SPTBN5: variants seen among roughly 807,000 people sequenced by gnomAD.
SPTBN5 encodes the protein spectrin beta chain, non-erythrocytic 5.
In SPTBN5, 513 loss-of-function variants were observed where a neutral mutation model predicts 477.6. That is an observed-to-expected ratio of 1.07 (90% CI 1.00 to 1.16). The LOEUF (loss-of-function observed/expected upper bound fraction) is 1.16. SPTBN5 is among the 50% of genes most tolerant of loss of function. SPTBN5 has a pLI of 0.00. For missense variants in SPTBN5, 5,062 were observed against 4,731.8 expected, an observed-to-expected ratio of 1.07 and a Z score of -2.05; for synonymous variants, 2,169 against 2,011.7, an observed-to-expected ratio of 1.08 and a Z score of -2.09.
At position 41,855,678 on chromosome 15, in the gene SPTBN5, C is replaced by A. The variant is rs1416676849; in HGVS notation, c.9089G>T (p.Ser3030Ile). Residue 3030 changes from serine (S) to isoleucine (I), a missense_variant, in exon 54 of 68, where the codon AGT (serine) becomes ATT (isoleucine). Physicochemically the swap from Ser to Ile is moderately radical, Grantham distance 142. Coordinates refer to ENST00000320955, the MANE Select transcript of SPTBN5 (RefSeq NM_016642.4). ...HVLDSEDMGH[S>I]AEATQALLRR... ...CAGAAGGGCCTGTGTGGCTTCAGCA[C>A]TGTGGCCCATGTCCTCGCTGTCCAG... 1.2e-6 allele frequency: 2 copies of A among 1,604,860 alleles called. No homozygotes were observed. The highest frequency in any genetic ancestry group is 2.7e-5 in the African/African-American group (2 of 74,966).
Position 41,886,088 on chromosome 15 carries a change from C to T in SPTBN5, c.1167G>A (p.Glu389=). 1 of 1,606,462 alleles carries T rather than the reference C, an allele frequency of 6.2e-7. No homozygotes were observed. The highest frequency in any genetic ancestry group is 8.5e-7 in the Non-Finnish European group (1 of 1,176,172). The change falls in exon 7 of 68, where the codon GAG becomes GAA. Residue 389 remains glutamate, a synonymous_variant. Coordinates refer to ENST00000320955, the MANE Select transcript of SPTBN5 (RefSeq NM_016642.4). ...GGGACAGCTCTGCAAGGCCCAGGCCCTCATGAGGCAGGAAGGGCCTGCGGT... is the reference window on the plus strand; with the variant it reads ...GGGACAGCTCTGCAAGGCCCAGGCCTTCATGAGGCAGGAAGGGCCTGCGGT... ...AQNRRPFLPH[E]GLGLAELSQC...
At chr15:41,876,679 T>C in intron 19 of SPTBN5, 32 bp from the exon 20 acceptor site, 1 of 1,546,624 alleles carries the variant, frequency 6.5e-7, no homozygotes, top group Non-Finnish European at 8.9e-7. Flanking sequence ...GAGGAGGGCA[T>C]GGGAGAGGAC....
intron 32 of SPTBN5, 87 bp downstream of exon 32, chr15:41,869,754 G>C: frequency 7.7e-7 from 1 of 1,293,552 alleles, no homozygotes; most frequent in Non-Finnish European, 1.0e-6. Flanking sequence ...TCCCTCCGGA[G>C]CTGGAGGGCC....
At chr15:41,889,197 C>G (rs1046583088) in intron 4 of SPTBN5, among the ~76,000 whole-genome samples, 1 of 152,172 alleles carries the variant, frequency 6.6e-6, no homozygotes, top group Non-Finnish European at 1.5e-5. Flanking sequence ...ATTCATCCGT[C>G]CCTTCAGCCT....
In SPTBN5 at chr15:41,866,432, AG is replaced by A. The variant is rs774203819; in HGVS notation, c.6541del (p.Leu2181Ter). ...QLKEPVPPGD[L>X]RDKLKPLLKH... Reference sequence around the variant, plus strand: ...CAGCAGGGGCTTCAGCTTATCTCTCAGGTCCCCAGGAGGGACCGGCTCCTTC... The same window carrying A: ...CAGCAGGGGCTTCAGCTTATCTCTCAGTCCCCAGGAGGGACCGGCTCCTTC... On this transcript the variant is annotated frameshift_variant, in exon 37 of 68. Transcript: ENST00000320955. LOFTEE classifies it high-confidence loss of function. 5.0e-6 allele frequency: 8 copies of A among 1,610,024 alleles called. No individual in the cohort carries two copies. Among genetic ancestry groups the A allele is most frequent in the Non-Finnish European group, 6.8e-6 (8 of 1,178,246 alleles).
rs758441050 is a variant in SPTBN5 at position 41,880,163 on chromosome 15, A to G, written c.2808T>C (p.Tyr936=). ...TGCCAAGCTCCCAGGGCTGTACCTCATATTTGAGCTGCATGACCTCCAGGG... is the reference window on the plus strand; with the variant it reads ...TGCCAAGCTCCCAGGGCTGTACCTCGTATTTGAGCTGCATGACCTCCAGGG... The part of the protein sequence containing the change: ...ADTLEVMQLK[Y]ENFLTALAVG... The change falls in exon 14 of 68, where the codon TAT becomes TAC. Residue 936 remains tyrosine (Y), a synonymous_variant. Transcript: ENST00000320955. 3 of 1,597,236 alleles carry G rather than the reference A, an allele frequency of 1.9e-6. No homozygotes were observed. The Admixed American group carries it at 5.3e-5, about 28-fold the overall frequency.
chr15:41,885,940 C>A lies in SPTBN5; in HGVS notation c.1315G>T (p.Glu439Ter). ...RRFQHKAALR[E>*]SFLKDAEQVL... Reference sequence around the variant, plus strand: ...TGCTCTGCATCCTTAAGGAAACTCTCCCGGAGGGCTGCCTTGTGCTGGAAG... The same window carrying A: ...TGCTCTGCATCCTTAAGGAAACTCTACCGGAGGGCTGCCTTGTGCTGGAAG... The change falls in exon 7 of 68, where the codon GAG becomes TAG. Residue 439 changes from glutamate to a stop codon, truncating the protein, a stop_gained. Transcript: ENST00000320955. LOFTEE classifies it high-confidence loss of function. 1 of 1,571,888 alleles carries A rather than the reference C, an allele frequency of 6.4e-7. No individual in the cohort carries two copies. The highest frequency in any genetic ancestry group is 8.6e-7 in the Non-Finnish European group (1 of 1,158,706).
At position 41,869,846 on chromosome 15, in the gene SPTBN5, T is replaced by G; in HGVS notation, c.5848A>C (p.Thr1950Pro). 1 of 1,558,236 alleles carries G rather than the reference T, an allele frequency of 6.4e-7. No individual in the cohort carries two copies. ...ERARLLARFR[T>P]AVRDYASWAA... ...CAAAGGGCAGGAGCCCTCACCGCCG[T>G]GCGGAAGCGGGCCAGGAGGCGTGCC... The change falls in exon 32 of 68, where the codon ACG becomes CCG. Residue 1950 changes from threonine to proline, a missense_variant. By Grantham distance (38) the Thr-to-Pro change is conservative (BLOSUM62 -1). Coordinates refer to ENST00000320955, the MANE Select transcript of SPTBN5 (RefSeq NM_016642.4).
At position 41,853,583 on chromosome 15, in the gene SPTBN5, G is replaced by A. The variant is rs2065843934; in HGVS notation, c.9979C>T (p.Leu3327=). The change falls in exon 58 of 68, where the codon CTA becomes TTA. Residue 3327 remains leucine (L), a splice_region_variant and synonymous_variant. Coordinates refer to ENST00000320955, the MANE Select transcript of SPTBN5 (RefSeq NM_016642.4). The stretch of plus-strand genomic sequence containing the variant: ...CGGCAGCTGAGGTAGGACACCTACA[G>A]CAGTTCCTGGCAGCGCCCGAGGAAG... The part of the protein sequence containing the change: ...HAFLGRCQEL[L]AWAQERQELA... 1.3e-6 allele frequency: 2 copies of A among 1,570,072 alleles called. No individual in the cohort carries two copies. Among genetic ancestry groups the A allele is most frequent in the Non-Finnish European group, 1.7e-6 (2 of 1,154,830 alleles).
chr15:41,857,650 C>T lies in SPTBN5; in HGVS notation c.8287G>A (p.Glu2763Lys). The change falls in exon 50 of 68, where the codon GAG (glutamate) becomes AAG (lysine). Residue 2763 changes from glutamate (E) to lysine (K), a missense_variant. Glu to Lys is a moderately conservative substitution (Grantham distance 56). Transcript: ENST00000320955. ...PASEAIQERL[E>K]ELGALWGELQ... Reference sequence around the variant, plus strand: ...TCACCCCAGAGTGCTCCCAGCTCCTCCAGTCGCTCCTGGATGGCCTCCGAG... The same window carrying T: ...TCACCCCAGAGTGCTCCCAGCTCCTTCAGTCGCTCCTGGATGGCCTCCGAG... 1 of 1,595,014 alleles carries T rather than the reference C, an allele frequency of 6.3e-7. No homozygotes were observed. Among genetic ancestry groups the T allele is most frequent in the South Asian group, 1.1e-5 (1 of 88,020 alleles).
chr15:41,871,617 G>T (rs1301758160), intron 28 of SPTBN5, 97 bp from the exon 29 acceptor site: 15 of 1,416,436 alleles, frequency 1.1e-5, no homozygotes, highest in Non-Finnish European at 1.4e-5. Flanking sequence ...TGGGTGATGT[G>T]GGCTTGGATA....
chr15:41,848,385 C>T lies in SPTBN5; in HGVS notation c.*231G>A, dbSNP rs529534042. The stretch of plus-strand genomic sequence containing the variant: ...CCACCTGCTCTGCCGTAACACGTCT[C>T]CTCTTCACCCAGACAGGAATGCAGG... On this transcript the variant is annotated 3_prime_UTR_variant, in exon 68 of 68. Transcript: ENST00000320955. The T allele has an allele frequency of 9.1e-5, 56 of 612,790 alleles. No homozygotes were observed. In the Admixed American group the frequency reaches 1.2e-3, roughly 13 times the overall value. The allele number at this position is 612,790 out of a possible 1,614,324, so 38.0% of individuals were successfully genotyped here.
chr15:41,874,384 G>A lies in SPTBN5; in HGVS notation c.4597C>T (p.Leu1533Phe). The A allele has an allele frequency of 6.2e-7, 1 of 1,613,810 alleles. No homozygotes were observed. The highest frequency in any genetic ancestry group is 8.5e-7 in the Non-Finnish European group (1 of 1,179,866). The change falls in exon 24 of 68, where the codon CTC (leucine) becomes TTC (phenylalanine). Residue 1533 changes from leucine (L) to phenylalanine (F), a missense_variant. Transcript: ENST00000320955. ...GGCATGTGCTCGGCTACCCAAGAGAGCTCCATGTTGCTCAGGTGGCAGAAC... is the reference window on the plus strand; with the variant it reads ...GGCATGTGCTCGGCTACCCAAGAGAACTCCATGTTGCTCAGGTGGCAGAAC... ...HQFCHLSNME[L>F]SWVAEHMPHG...
chr15:41,882,322 T>G lies in SPTBN5; in HGVS notation c.2194A>C (p.Thr732Pro), dbSNP rs766022516. The change falls in exon 11 of 68, where the codon ACC becomes CCC. Residue 732 changes from threonine (T) to proline (P), a missense_variant. By Grantham distance (38) the Thr-to-Pro change is conservative. Transcript: ENST00000320955. ...AVQGGWQLLQ[T>P]RVVGRGARLQ... The stretch of plus-strand genomic sequence containing the variant: ...CGTGCGCCCCGCCCCACCACCCGGG[T>G]CTGGAGCAGCTGCCACCCTCCCTGA... The G allele has an allele frequency of 3.3e-6, 5 of 1,493,360 alleles. No individual in the cohort carries two copies. The highest frequency in any genetic ancestry group is 2.1e-5 in the Admixed American group (1 of 48,290). The allele number at this position is 1,493,360 out of a possible 1,614,324, so 92.5% of individuals were successfully genotyped here.
chr15:41,863,274 A>G (rs1372222142), intron 41 of SPTBN5, among the ~76,000 whole-genome samples: 1 of 152,248 alleles, frequency 6.6e-6, no homozygotes, highest in Admixed American at 6.5e-5. Context: ...AGGCAGCAGC[A>G]CTTGTTTCAC....
chr15:41,869,961 G>C lies in SPTBN5; in HGVS notation c.5733C>G (p.Ala1911=). The change falls in exon 32 of 68, where the codon GCC becomes GCG. Residue 1911 remains alanine, a synonymous_variant. Transcript: ENST00000320955. ...CTTGCTGCCTCTGCTGCACCGCATG[G>C]GCCTGAGGCCCCGGACACAGCTTCT... ...RVQKLCPGPQ[A]HAVQQRQQAV... 1 of 1,543,718 alleles carries C rather than the reference G, an allele frequency of 6.5e-7. No individual in the cohort carries two copies. The highest frequency in any genetic ancestry group is 8.7e-7 in the Non-Finnish European group (1 of 1,143,218).
rs761484745 is a variant in SPTBN5, at chr15:41,893,059, C to T, written c.219G>A (p.Ala73=). The change falls in exon 3 of 68, where the codon GCG becomes GCA. Residue 73 remains alanine (A), a splice_region_variant and synonymous_variant. Coordinates refer to ENST00000320955, the MANE Select transcript of SPTBN5 (RefSeq NM_016642.4). ...TGTACAGGTTCCGGATCTTGATGCC[C>T]GCCTGGGGAGGGGACAGGGGTAAGT... The part of the protein sequence containing the change: ...WINNVFQCGQ[A]GIKIRNLYTE... 14 of 1,610,652 alleles carry T rather than the reference C, an allele frequency of 8.7e-6. 1 individual carries two copies. In the South Asian group the frequency reaches 8.8e-5, roughly 10 times the overall value.
intron 56 of SPTBN5, 37 bp downstream of exon 56, chr15:41,854,745 G>T: frequency 6.8e-7 from 1 of 1,464,594 alleles, no homozygotes; most frequent in Non-Finnish European, 9.1e-7. Flanking sequence ...TGAAGACTCT[G>T]ACACCCCTTA....
chr15:41,862,794 A>C lies in SPTBN5; in HGVS notation c.7259T>G (p.Val2420Gly). The change falls in exon 42 of 68, where the codon GTG (valine) becomes GGG (glycine). Residue 2420 changes from valine (V) to glycine (G), a missense_variant. Val to Gly is a moderately radical substitution (Grantham distance 109, BLOSUM62 -3). Transcript: ENST00000320955. The part of the protein sequence containing the change: ...EREVHPIQAQ[V>G]ESLEREVGRL... ...GCTCTACAGCCAGCTACGCACCTCC[A>C]CCTGGGCCTGGATGGGGTGCACTTC... 6.4e-7 allele frequency: 1 copy of C among 1,569,052 alleles called. No homozygotes were observed. Among genetic ancestry groups the C allele is most frequent in the Non-Finnish European group, 8.6e-7 (1 of 1,158,676 alleles).
Sources: allele counts gnomAD v4.1 joint callset (sites outside exome capture counted in the v4.1 genomes callset), GRCh38; gene constraint gnomAD v4.1.1; transcripts MANE v1.5; gene names NCBI Gene and HGNC (gene_info 2026-07-23, HGNC 2026-07-21).